The following CCSER1 variants were observed in gnomAD, a reference collection of about 807,000 sequenced individuals.
CCSER1 encodes serine-rich coiled-coil domain-containing protein 1.
In CCSER1, 41 loss-of-function variants were observed where a neutral mutation model predicts 82.0. The ratio of observed to expected loss-of-function variants is 0.50; its 90% confidence interval spans 0.39 to 0.65. The LOEUF is 0.65. Among genes scored for constraint, CCSER1 ranks in the 30% least tolerant of loss-of-function variants. The pLI is 0.00. For missense variants in CCSER1, 1,119 were observed against 1,064.2 expected, an observed-to-expected ratio of 1.05 and a Z score of -0.72; for synonymous variants, 414 against 383.9, an observed-to-expected ratio of 1.08 and a Z score of -0.92.
chr4:90,458,532 T>G (rs865972536), intron 4 of CCSER1, among the ~76,000 whole-genome samples: 1 of 152,070 alleles, frequency 6.6e-6, no homozygotes, highest in Non-Finnish European at 1.5e-5. Context: ...TTTTTTTATT[T>G]TGAGTAGAGA....
At chr4:91,385,772 A>G (rs1165195203) in intron 10 of CCSER1, among the ~76,000 whole-genome samples, 1 of 151,970 alleles carries the variant, frequency 6.6e-6, no homozygotes, top group African/African-American at 2.4e-5. Flanking sequence ...TTGGTAAAGC[A>G]ATTCCAAAAT....
At chr4:90,722,410 G>A (rs1018600525) in intron 6 of CCSER1, among the ~76,000 whole-genome samples, 2 of 151,766 alleles carry the variant, frequency 1.3e-5, no homozygotes, top group East Asian at 3.9e-4. Context: ...CATGTCTTAC[G>A]TTAACATCCT....
chr4:91,570,304 A>T (rs1018203352), intron 10 of CCSER1, among the ~76,000 whole-genome samples: 1 of 147,330 alleles, frequency 6.8e-6, no homozygotes, highest in Non-Finnish European at 1.5e-5. Flanking sequence ...TGGGGCCTGG[A>T]GGATGTGGCC....
intron 10 of CCSER1, among the ~76,000 whole-genome samples, chr4:91,437,662 C>A (rs539504335): frequency 6.6e-6 from 1 of 152,244 alleles, no homozygotes; most frequent in East Asian, 1.9e-4. Flanking sequence ...CTGCGCCAGC[C>A]GAAGCAGGGC....
At chr4:90,338,750 T>C (rs1054474745) in intron 3 of CCSER1, among the ~76,000 whole-genome samples, 3 of 152,220 alleles carry the variant, frequency 2.0e-5, no homozygotes, top group Non-Finnish European at 4.4e-5. Flanking sequence ...TGAGCTGCAA[T>C]AGTGACAAAA....
intron 9 of CCSER1, among the ~76,000 whole-genome samples, chr4:91,028,376 A>G (rs996604643): frequency 1.3e-5 from 2 of 151,988 alleles, no homozygotes; most frequent in African/African-American, 4.8e-5. Flanking sequence ...TCATGTGTTT[A>G]TTAACCTTTG....
chr4:90,817,925 A>G (rs1257852649), intron 8 of CCSER1, among the ~76,000 whole-genome samples: 4 of 152,250 alleles, frequency 2.6e-5, no homozygotes, highest in African/African-American at 9.6e-5. Context: ...CTTTACTTAC[A>G]TTGAAAATTT....
chr4:90,697,062 A>G (rs1375602543), intron 6 of CCSER1, among the ~76,000 whole-genome samples: 2 of 152,158 alleles, frequency 1.3e-5, no homozygotes, highest in African/African-American at 4.8e-5. Context: ...AGTGAGGGCA[A>G]AGAGCTATGA....
intron 10 of CCSER1, among the ~76,000 whole-genome samples, chr4:91,323,439 C>T (rs1011915134): frequency 6.6e-6 from 1 of 152,110 alleles, no homozygotes; most frequent in African/African-American, 2.4e-5. Context: ...TTCAAAAACA[C>T]TGAAGTACGA....
At chr4:91,137,721 A>G (rs1302998027) in intron 10 of CCSER1, among the ~76,000 whole-genome samples, 1 of 151,902 alleles carries the variant, frequency 6.6e-6, no homozygotes, top group Non-Finnish European at 1.5e-5. Flanking sequence ...GTGTGAGATG[A>G]TATCTCATAG....
chr4:91,019,435 T>G (rs1318003994), intron 9 of CCSER1, among the ~76,000 whole-genome samples: 1 of 152,146 alleles, frequency 6.6e-6, no homozygotes, highest in Non-Finnish European at 1.5e-5. Flanking sequence ...GCTTACTGCT[T>G]GAGTTTTTTA....
chr4:90,326,997 C>A lies in CCSER1; in HGVS notation c.1509+13950C>A, dbSNP rs191075035. Among the ~76,000 whole-genome samples the A allele has an allele frequency of 1.2e-4, 19 of 152,300 alleles. No individual in the cohort carries two copies. In the East Asian group the frequency reaches 3.7e-3, roughly 29 times the overall value. ...CTTCATTTTTCATAAGCAATTCAGA[C>A]ATATTCTGCCAAAAGCAGTATATAG... On this transcript the variant is annotated intron_variant, in intron 3 of 10. Coordinates refer to ENST00000509176, the MANE Select transcript of CCSER1 (RefSeq NM_001145065.2).
chr4:91,452,186 C>G (rs1298188067), intron 10 of CCSER1, among the ~76,000 whole-genome samples: 1 of 151,988 alleles, frequency 6.6e-6, no homozygotes. Flanking sequence ...CAGACATCCT[C>G]TCTTTTGCCA....
At chr4:90,849,435 G>C (rs1310057117) in intron 8 of CCSER1, among the ~76,000 whole-genome samples, 1 of 152,142 alleles carries the variant, frequency 6.6e-6, no homozygotes, top group Non-Finnish European at 1.5e-5. Context: ...AAGCAGTAAA[G>C]CTTTCAAGAG....
intron 6 of CCSER1, among the ~76,000 whole-genome samples, chr4:90,720,335 A>G (rs556105807): frequency 1.2e-4 from 19 of 152,006 alleles, no homozygotes; most frequent in Non-Finnish European, 2.5e-4. Flanking sequence ...ACTGGGTGTT[A>G]GTAAGGATAT....
chr4:90,450,536 A>G (rs1761305598), intron 4 of CCSER1, among the ~76,000 whole-genome samples: 1 of 152,174 alleles, frequency 6.6e-6, no homozygotes, highest in Non-Finnish European at 1.5e-5. Flanking sequence ...GTTGGTACTT[A>G]TCTTTTGTGA....
At chr4:90,490,988 T>G (rs1454412537) in intron 5 of CCSER1, among the ~76,000 whole-genome samples, 3 of 152,202 alleles carry the variant, frequency 2.0e-5, no homozygotes, top group Admixed American at 6.5e-5. Context: ...TGGCTTAGGA[T>G]TGTCTTGGCA....
chr4:90,811,969 C>CAT (rs34117865), intron 7 of CCSER1, among the ~76,000 whole-genome samples: 5,833 of 131,716 alleles, frequency 0.044, 158 homozygotes, highest in Middle Eastern at 0.081. Context: ...TATATATACA[C>CAT]ATATATATAT....
chr4:90,971,406 A>C lies in CCSER1; in HGVS notation c.2172+47959A>C, dbSNP rs538816706. ...AATAGCAAGGGAGAAATCCACCCCC[A>C]TGGTCCAATCATCTTCCACCAAGCC... On this transcript the variant is annotated intron_variant, in intron 9 of 10. Transcript: ENST00000509176. Among the ~76,000 whole-genome samples the C allele has an allele frequency of 9.2e-5, 14 of 152,054 alleles. No homozygotes were observed. In the South Asian group the frequency reaches 2.9e-3, roughly 32 times the overall value.
Sources: allele counts gnomAD v4.1 joint callset (sites outside exome capture counted in the v4.1 genomes callset), GRCh38; gene constraint gnomAD v4.1.1; transcripts MANE v1.5; gene names NCBI Gene and HGNC (gene_info 2026-07-23, HGNC 2026-07-21).